The following MYBPC1 variants were observed in gnomAD, a reference collection of about 807,000 sequenced individuals.
MYBPC1 encodes myosin binding protein C1.
In MYBPC1, 52 loss-of-function variants were observed where a neutral mutation model predicts 147.1. The observed-to-expected ratio is 0.35, with a 90% confidence interval of 0.28 to 0.45. The LOEUF is 0.45. MYBPC1 is among the 20% of genes least tolerant of loss of function. The pLI, the probability that MYBPC1 is intolerant of heterozygous loss-of-function variation, is 1.00. For synonymous variants in MYBPC1, 477 were observed against 475.9 expected (o/e 1.00, Z -0.03); for missense variants, 1,228 against 1,440.3 (o/e 0.85, Z 2.39).
At chr12:101,639,889 G>A (rs576752442) in intron 10 of MYBPC1, among the ~76,000 whole-genome samples, 34 of 151,906 alleles carry the variant, frequency 2.2e-4, no homozygotes, top group African/African-American at 8.2e-4. Context: ...ACATAATCCA[G>A]TATGGCATAA....
chr12:101,654,870 T>C (rs1203496709), intron 18 of MYBPC1, among the ~76,000 whole-genome samples: 1 of 152,202 alleles, frequency 6.6e-6, no homozygotes, highest in African/African-American at 2.4e-5. Context: ...AGCACTGTCA[T>C]GGACCCACCT....
At chr12:101,602,333 G>A (rs1359146413) in intron 1 of MYBPC1, among the ~76,000 whole-genome samples, 2 of 152,174 alleles carry the variant, frequency 1.3e-5, no homozygotes, top group Non-Finnish European at 2.9e-5. Context: ...TCCTACCTCA[G>A]CCTCCTGAGT....
chr12:101,694,601 G>C, the MYBPC1 span, among the ~76,000 whole-genome samples: 1 of 152,190 alleles, frequency 6.6e-6, no homozygotes, highest in African/African-American at 2.4e-5. Flanking sequence ...AGACATAGAA[G>C]GTGGCCATCT....
At chr12:101,633,914 C>T (rs555750842) in intron 8 of MYBPC1, among the ~76,000 whole-genome samples, 2 of 144,618 alleles carry the variant, frequency 1.4e-5, no homozygotes, top group Non-Finnish European at 3.0e-5. Flanking sequence ...TTTTTTTAGA[C>T]GGAGTCTCGC....
chr12:101,634,479 A>G, intron 8 of MYBPC1, 75 bp from the exon 9 acceptor site: 1 of 1,214,078 alleles, frequency 8.2e-7, no homozygotes. Context: ...AAGAATCCCC[A>G]CAGCCTATAA....
At chr12:101,694,294 A>G in the MYBPC1 span, among the ~76,000 whole-genome samples, 1 of 152,200 alleles carries the variant, frequency 6.6e-6, no homozygotes, top group African/African-American at 2.4e-5. Context: ...GCTTTGCCAC[A>G]TGGGAGCTGC....
intron 1 of MYBPC1, among the ~76,000 whole-genome samples, chr12:101,606,235 CAA>C (rs1882120874): frequency 6.6e-6 from 1 of 151,288 alleles, no homozygotes; most frequent in South Asian, 2.1e-4. Context: ...CACACACACA[CAA>C]GAATGCACAA....
intron 10 of MYBPC1, among the ~76,000 whole-genome samples, chr12:101,641,345 CA>C (rs551774720): frequency 6.6e-6 from 1 of 152,148 alleles, no homozygotes; most frequent in South Asian, 2.1e-4. Flanking sequence ...TAAATGTAAA[CA>C]AAATCAGGAT....
chr12:101,651,677 A>T (rs1042068932), intron 16 of MYBPC1, among the ~76,000 whole-genome samples: 2 of 152,222 alleles, frequency 1.3e-5, no homozygotes, highest in African/African-American at 2.4e-5. Flanking sequence ...ACCATGGCTC[A>T]TGCCTGTAAT....
intron 25 of MYBPC1, 87 bp from the exon 26 acceptor site, chr12:101,675,205 A>G: frequency 6.5e-7 from 1 of 1,541,882 alleles, no homozygotes; most frequent in South Asian, 1.2e-5. Context: ...TAACAGAGGA[A>G]AGGGTCTTTT....
intron 12 of MYBPC1, among the ~76,000 whole-genome samples, chr12:101,646,399 C>A (rs374558833): frequency 6.6e-6 from 1 of 151,962 alleles, no homozygotes; most frequent in Non-Finnish European, 1.5e-5. Flanking sequence ...GTAATCCCAA[C>A]ACTTTGGGAG....
chr12:101,666,920 C>A, intron 22 of MYBPC1: 1 of 458,288 alleles, frequency 2.2e-6, no homozygotes, highest in Admixed American at 3.0e-5. Flanking sequence ...CACACACACA[C>A]ACACACACAT....
chr12:101,666,898 C>T lies in MYBPC1; in HGVS notation c.2357-834C>T, dbSNP rs7136919. 85,805 of 378,336 alleles carry T rather than the reference C, an allele frequency of 0.23. 4,342 individuals carry two copies. The highest frequency in any genetic ancestry group is 0.28 in the Admixed American group (8,234 of 29,554). 23.4% of individuals were successfully genotyped at this position (378,336 alleles called of 1,614,324 possible). On this transcript the variant is annotated intron_variant, in intron 22 of 31. Transcript: ENST00000361466. Reference sequence around the variant, plus strand: ...GAAGAATACTCATCACATACATACACACACACACACACACACACACACACA... The same window carrying T: ...GAAGAATACTCATCACATACATACATACACACACACACACACACACACACA...
intron 3 of MYBPC1, 127 bp downstream of exon 3, chr12:101,617,370 T>C: frequency 2.1e-6 from 2 of 935,448 alleles, no homozygotes. Flanking sequence ...CTTTGCATCT[T>C]ATCTGCAAGT....
intron 1 of MYBPC1, among the ~76,000 whole-genome samples, chr12:101,606,496 G>T (rs1384702966): frequency 6.8e-6 from 1 of 147,590 alleles, no homozygotes; most frequent in Non-Finnish European, 1.5e-5. Flanking sequence ...TAGAGACAGG[G>T]TCTCACTACA....
chr12:101,607,174 C>A (rs575235988), intron 1 of MYBPC1, among the ~76,000 whole-genome samples: 108 of 152,230 alleles, frequency 7.1e-4, no homozygotes, highest in African/African-American at 2.5e-3. Flanking sequence ...TTATGAATGT[C>A]CCCATGAAAG....
At chr12:101,636,853 T>C in intron 10 of MYBPC1, 125 bp downstream of exon 10, 1 of 792,814 alleles carries the variant, frequency 1.3e-6, no homozygotes, top group Non-Finnish European at 2.2e-6. Flanking sequence ...GTGTTTTGCT[T>C]ATAGAATATA....
At chr12:101,619,984 T>A (rs1887009656) in intron 3 of MYBPC1, among the ~76,000 whole-genome samples, 2 of 152,220 alleles carry the variant, frequency 1.3e-5, no homozygotes, top group African/African-American at 4.8e-5. Flanking sequence ...AACTTTTTCA[T>A]ATTTGCTAAA....
At chr12:101,607,838 AG>A (rs1035927914) in intron 1 of MYBPC1, among the ~76,000 whole-genome samples, 3 of 152,222 alleles carry the variant, frequency 2.0e-5, no homozygotes, top group South Asian at 2.1e-4. Context: ...AAAAAGAGAC[AG>A]GTTAATTAAT....
Sources: gnomAD v4.1 joint callset for allele counts (sites outside exome capture counted in the v4.1 genomes callset) on GRCh38, gnomAD v4.1.1 for gene constraint, MANE v1.5 for transcripts, NCBI Gene and HGNC (gene_info 2026-07-23, HGNC 2026-07-21) for gene names.